Variants in PRIM2 observed in about 807,000 individuals in gnomAD.
PRIM2 encodes DNA primase subunit 2.
Under a neutral mutation model 67.3 loss-of-function variants are expected in PRIM2, and 39 were observed. That is an observed-to-expected ratio of 0.58 (90% CI 0.45 to 0.76). PRIM2 has a LOEUF of 0.76. PRIM2 is among the 30% of genes least tolerant of loss of function. The probability of loss-of-function intolerance (pLI) is 0.00; values close to 1 mark genes in which losing one functional copy is unlikely to be tolerated. For missense variants in PRIM2, 398 were observed against 598.7 expected, an observed-to-expected ratio of 0.66 and a Z score of 3.50; for synonymous variants, 143 against 198.7, an observed-to-expected ratio of 0.72 and a Z score of 2.36.
At chr6:57,626,623 G>A (rs1280924605) in intron 12 of PRIM2, among the ~76,000 whole-genome samples, 2 of 147,944 alleles carry the variant, frequency 1.4e-5, no homozygotes, top group Non-Finnish European at 3.0e-5. Flanking sequence ...AAACTGCATT[G>A]CTTTTTTTTT....
chr6:57,620,056 CG>C (rs1776824127), intron 12 of PRIM2, among the ~76,000 whole-genome samples: 3 of 151,960 alleles, frequency 2.0e-5, no homozygotes, highest in Non-Finnish European at 4.4e-5. Context: ...GTTAGCTGGG[CG>C]TGGTGACACA....
At chr6:57,242,386 T>A in the PRIM2 span, among the ~76,000 whole-genome samples, 4 of 152,354 alleles carry the variant, frequency 2.6e-5, no homozygotes, top group African/African-American at 7.2e-5. Flanking sequence ...TTGATTTTTT[T>A]AATCTACTAA....
At chr6:57,521,211 G>T (rs1389962376) in intron 8 of PRIM2, among the ~76,000 whole-genome samples, 1 of 152,042 alleles carries the variant, frequency 6.6e-6, no homozygotes, top group Non-Finnish European at 1.5e-5. Flanking sequence ...AATTTCAGTG[G>T]TGACAGCTGT....
At chr6:57,626,523 A>G (rs1776951041) in intron 12 of PRIM2, among the ~76,000 whole-genome samples, 2 of 152,220 alleles carry the variant, frequency 1.3e-5, no homozygotes. Flanking sequence ...CAGAAAAAAA[A>G]AATCAGTAAT....
the PRIM2 span, among the ~76,000 whole-genome samples, chr6:57,273,876 G>A: frequency 4.6e-5 from 7 of 152,286 alleles, no homozygotes; most frequent in Non-Finnish European, 7.3e-5. Context: ...GTCTGTTGGC[G>A]TTTGCTAGAG....
At chr6:57,385,346 T>C (rs796952371) in intron 7 of PRIM2, among the ~76,000 whole-genome samples, 7 of 152,158 alleles carry the variant, frequency 4.6e-5, no homozygotes, top group African/African-American at 1.7e-4. Flanking sequence ...AAATTAATAC[T>C]TTAAAAAAAT....
the PRIM2 span, among the ~76,000 whole-genome samples, chr6:57,275,766 C>T: frequency 6.6e-6 from 1 of 152,190 alleles, no homozygotes; most frequent in African/African-American, 2.4e-5. Flanking sequence ...AGAGTGCTGG[C>T]TCTGTTGGAG....
At chr6:57,484,623 A>C (rs1773711667) in intron 7 of PRIM2, among the ~76,000 whole-genome samples, 1 of 152,114 alleles carries the variant, frequency 6.6e-6, no homozygotes, top group Non-Finnish European at 1.5e-5. Context: ...AGGGCCTTAA[A>C]CTTGGTTTTT....
the PRIM2 span, among the ~76,000 whole-genome samples, chr6:57,237,313 T>C: frequency 3.3e-5 from 5 of 152,370 alleles, no homozygotes; most frequent in African/African-American, 1.2e-4. Flanking sequence ...TTCTGGATAT[T>C]AGCCCTTTGT....
chr6:57,418,533 A>C (rs1286789715), intron 7 of PRIM2, among the ~76,000 whole-genome samples: 1 of 151,094 alleles, frequency 6.6e-6, no homozygotes, highest in Non-Finnish European at 1.5e-5. Context: ...AGTAGCTGGG[A>C]CTACAGGCGC....
At chr6:57,474,205 A>ACGGG (rs1554344867) in intron 7 of PRIM2, among the ~76,000 whole-genome samples, 1 of 29,948 alleles carries the variant, frequency 3.3e-5, no homozygotes, top group Non-Finnish European at 5.3e-5. Flanking sequence ...TTTTTTTTTG[A>ACGGG]GCTCTGTCAC....
At chr6:57,397,191 T>G (rs1770544192) in intron 7 of PRIM2, among the ~76,000 whole-genome samples, 1 of 152,178 alleles carries the variant, frequency 6.6e-6, no homozygotes, top group Non-Finnish European at 1.5e-5. Context: ...TCTTTGTGCT[T>G]CTTATATTTG....
At chr6:57,415,410 A>G (rs1261019912) in intron 7 of PRIM2, among the ~76,000 whole-genome samples, 1 of 152,214 alleles carries the variant, frequency 6.6e-6, no homozygotes, top group East Asian at 1.9e-4. Flanking sequence ...ACTGTAGTCT[A>G]TTAAGAATGC....
chr6:57,230,022 G>A, the PRIM2 span, among the ~76,000 whole-genome samples: 1 of 152,154 alleles, frequency 6.6e-6, no homozygotes, highest in African/African-American at 2.4e-5. Context: ...TTTTGTCAAA[G>A]CCAGGGCTTC....
At chr6:57,384,639 G>C (rs1343468304) in intron 7 of PRIM2, among the ~76,000 whole-genome samples, 2 of 152,048 alleles carry the variant, frequency 1.3e-5, no homozygotes, top group Non-Finnish European at 2.9e-5. Flanking sequence ...TTTAGATGGG[G>C]TATCATGGGA....
intron 5 of PRIM2, among the ~76,000 whole-genome samples, chr6:57,335,820 A>G (rs1172700240): frequency 6.6e-6 from 1 of 152,248 alleles, no homozygotes; most frequent in Non-Finnish European, 1.5e-5. Context: ...CTCCAAAGGA[A>G]CGCAGTTCCT....
At chr6:57,521,990 TA>T in intron 8 of PRIM2, among the ~76,000 whole-genome samples, 1 of 151,290 alleles carries the variant, frequency 6.6e-6, no homozygotes, top group Non-Finnish European at 1.5e-5. Context: ...CAGTTGCAAT[TA>T]GGTATTGAGG....
the PRIM2 span, among the ~76,000 whole-genome samples, chr6:57,303,130 A>G: frequency 6.6e-6 from 1 of 152,178 alleles, no homozygotes; most frequent in African/African-American, 2.4e-5. Flanking sequence ...ATTTATAGCT[A>G]AGATATCCAC....
chr6:57,578,490 C>T (rs1244980472), intron 10 of PRIM2, among the ~76,000 whole-genome samples: 2 of 152,024 alleles, frequency 1.3e-5, no homozygotes, highest in Non-Finnish European at 2.9e-5. Flanking sequence ...CCTTTCTCCC[C>T]GTTTATTTAT....
Sources: allele counts gnomAD v4.1 joint callset (sites outside exome capture counted in the v4.1 genomes callset), GRCh38; gene constraint gnomAD v4.1.1; transcripts MANE v1.5; gene names NCBI Gene and HGNC (gene_info 2026-07-23, HGNC 2026-07-21).